The following UBL3 variants were observed in gnomAD, a reference collection of about 807,000 sequenced individuals.
UBL3 encodes ubiquitin-like protein 3.
In UBL3, 6 loss-of-function variants were observed where a neutral mutation model predicts 18.4. The ratio of observed to expected loss-of-function variants is 0.33; its 90% CI spans 0.18 to 0.64. The LOEUF is 0.64. Ranked by LOEUF, UBL3 falls within the 30% of genes least tolerant of loss-of-function variation. The pLI, the probability that UBL3 is intolerant of heterozygous loss-of-function variation, is 0.76. For missense variants in UBL3, 109 were observed against 142.9 expected (o/e 0.76, Z 1.21); for synonymous variants, 49 against 46.6 (o/e 1.05, Z -0.21).
intron 3 of UBL3, among the ~76,000 whole-genome samples, chr13:29,771,430 T>C (rs1876838227): frequency 6.6e-6 from 1 of 152,030 alleles, no homozygotes. Context: ...AATTAAGGTG[T>C]TTACTATGTG....
chr13:29,805,164 T>G (rs1877868888), intron 1 of UBL3, among the ~76,000 whole-genome samples: 1 of 152,218 alleles, frequency 6.6e-6, no homozygotes, highest in African/African-American at 2.4e-5. Flanking sequence ...TTAAGAGGTA[T>G]TTAAAATATT....
rs1879008264 is a variant in UBL3, at chr13:29,838,122, C to G, written c.27+11390G>C. The stretch of plus-strand genomic sequence containing the variant: ...TCTTTAAAACAGCCAAAGGAAAACA[C>G]ATTAACTTCAAAGGAGTAACAATAA... On this transcript the variant is annotated intron_variant, in intron 1 of 4. Transcript: ENST00000380680. 2.7e-5 allele frequency among the ~76,000 whole-genome samples: 4 copies of G among 150,932 alleles called. No homozygotes were observed. In the South Asian group the frequency reaches 8.3e-4, roughly 31 times the overall value.
chr13:29,832,225 C>A (rs190615866), intron 1 of UBL3, among the ~76,000 whole-genome samples: 7 of 152,154 alleles, frequency 4.6e-5, no homozygotes, highest in Admixed American at 4.6e-4. Flanking sequence ...AAAACACTTA[C>A]AATTGCTAGA....
intron 1 of UBL3, among the ~76,000 whole-genome samples, chr13:29,835,144 ATATATATATATATAT>A (rs1878917693): frequency 6.6e-5 from 1 of 15,038 alleles, no homozygotes; most frequent in Non-Finnish European, 1.2e-4. Context: ...ATATATATAT[ATATATATATATATAT>A]ATATATATAT....
chr13:29,805,139 G>C (rs991046019), intron 1 of UBL3, among the ~76,000 whole-genome samples: 10 of 152,128 alleles, frequency 6.6e-5, no homozygotes, highest in African/African-American at 2.4e-4. Context: ...ACTCTCTAAA[G>C]AGACTACTCA....
At chr13:29,818,442 A>G (rs1443681426) in intron 1 of UBL3, among the ~76,000 whole-genome samples, 1 of 152,214 alleles carries the variant, frequency 6.6e-6, no homozygotes, top group East Asian at 1.9e-4. Flanking sequence ...TCAGAAGTAC[A>G]CAAATAACTA....
At chr13:29,804,788 T>C (rs754374259) in intron 1 of UBL3, among the ~76,000 whole-genome samples, 2 of 152,172 alleles carry the variant, frequency 1.3e-5, no homozygotes, top group Non-Finnish European at 2.9e-5. Flanking sequence ...TTCCAGGTGA[T>C]AGCATAATGA....
At chr13:29,815,305 G>T (rs182605297) in intron 1 of UBL3, among the ~76,000 whole-genome samples, 114 of 152,156 alleles carry the variant, frequency 7.5e-4, no homozygotes, top group African/African-American at 2.7e-3. Flanking sequence ...GGTGTGTGGG[G>T]GGGAGAAATA....
chr13:29,790,942 C>A (rs1877465164), intron 1 of UBL3, among the ~76,000 whole-genome samples: 1 of 152,206 alleles, frequency 6.6e-6, no homozygotes, highest in Admixed American at 6.5e-5. Flanking sequence ...AAGGCTTCCA[C>A]TGTCACCCAT....
chr13:29,780,390 A>ATATATATG (rs755886113), intron 1 of UBL3, among the ~76,000 whole-genome samples: 38 of 92,146 alleles, frequency 4.1e-4, no homozygotes, highest in African/African-American at 1.2e-3. Context: ...ATATATATAT[A>ATATATATG]TGTGTGTGTG....
At chr13:29,835,430 T>C (rs973598509) in intron 1 of UBL3, among the ~76,000 whole-genome samples, 1 of 151,182 alleles carries the variant, frequency 6.6e-6, no homozygotes, top group East Asian at 2.0e-4. Context: ...AGAGAGGGTA[T>C]AGAAGTATGC....
At chr13:29,798,617 TTGA>T (rs1877677133) in intron 1 of UBL3, among the ~76,000 whole-genome samples, 1 of 152,174 alleles carries the variant, frequency 6.6e-6, no homozygotes, top group Non-Finnish European at 1.5e-5. Context: ...CCTTATTATT[TTGA>T]TAATACAAGT....
intron 1 of UBL3, among the ~76,000 whole-genome samples, chr13:29,786,202 A>G (rs1429636239): frequency 6.6e-6 from 1 of 152,216 alleles, no homozygotes; most frequent in Admixed American, 6.5e-5. Context: ...CAACTGACTC[A>G]GCAACTCTGT....
rs1392376334 is a variant in UBL3, at chr13:29,849,829, G to A, written c.-291C>T. 2 of 540,986 alleles carry A rather than the reference G, an allele frequency of 3.7e-6. No individual in the cohort carries two copies. Among genetic ancestry groups the A allele is most frequent in the Non-Finnish European group, 6.6e-6 (2 of 302,738 alleles). The allele number at this position is 540,986 out of a possible 1,614,324, so 33.5% of individuals were successfully genotyped here. A position where few individuals can be genotyped will look rare whatever the true frequency, so the allele number is the denominator to read the frequency against. On this transcript the variant is annotated 5_prime_UTR_variant, in exon 1 of 5. Transcript: ENST00000380680. Reference sequence around the variant, plus strand: ...AACAGCAGCAGCAGCCCCAGGACCGGCCGCGCCAGGTGGACCGAGCCGAGT... The same window carrying A: ...AACAGCAGCAGCAGCCCCAGGACCGACCGCGCCAGGTGGACCGAGCCGAGT...
intron 1 of UBL3, among the ~76,000 whole-genome samples, chr13:29,840,072 T>C (rs1476374822): frequency 1.2e-5 from 1 of 84,818 alleles, no homozygotes; most frequent in African/African-American, 4.7e-5. Flanking sequence ...CAGAAATCAG[T>C]AAAAAGTTAA....
intron 1 of UBL3, among the ~76,000 whole-genome samples, chr13:29,811,693 CT>C: frequency 6.6e-6 from 1 of 152,090 alleles, no homozygotes; most frequent in Non-Finnish European, 1.5e-5. Flanking sequence ...AAAAGGCTAC[CT>C]CCAATAATGA....
rs995389241 is a variant in UBL3, at chr13:29,778,056, T to A, written c.28-793A>T. Among the ~76,000 whole-genome samples, 23 of 152,294 alleles carry A rather than the reference T, an allele frequency of 1.5e-4. No homozygotes were observed. In the East Asian group the frequency reaches 4.1e-3, roughly 27 times the overall value. On this transcript the variant is annotated intron_variant, in intron 1 of 4. Coordinates refer to ENST00000380680, the MANE Select transcript of UBL3 (RefSeq NM_007106.4). ...TGCTGGGATTACAGGTGTGAGCCACTGTGCCCAGCCAAGAAACTTTAATTT... is the reference window on the plus strand; with the variant it reads ...TGCTGGGATTACAGGTGTGAGCCACAGTGCCCAGCCAAGAAACTTTAATTT...
chr13:29,812,337 C>G (rs1261991302), intron 1 of UBL3, among the ~76,000 whole-genome samples: 1 of 152,010 alleles, frequency 6.6e-6, no homozygotes, highest in Non-Finnish European at 1.5e-5. Context: ...AGAACCACTA[C>G]TCATGGTTAT....
At chr13:29,789,846 G>C (rs963253880) in intron 1 of UBL3, among the ~76,000 whole-genome samples, 4 of 152,186 alleles carry the variant, frequency 2.6e-5, no homozygotes, top group East Asian at 1.9e-4. Context: ...TATTGTTCGG[G>C]GGAATGTAAG....
Sources: allele counts gnomAD v4.1 joint callset (sites outside exome capture counted in the v4.1 genomes callset), GRCh38; gene constraint gnomAD v4.1.1; transcripts MANE v1.5; gene names NCBI Gene and HGNC (gene_info 2026-07-23, HGNC 2026-07-21).